The following GRM7 variants were observed in gnomAD, a reference collection of about 807,000 sequenced individuals.
GRM7 encodes glutamate metabotropic receptor 7.
Under a neutral mutation model 84.5 loss-of-function variants are expected in GRM7, and 35 were observed. The ratio of observed to expected loss-of-function variants is 0.41; its 90% CI spans 0.32 to 0.55. GRM7 has a LOEUF of 0.55. Ranked by LOEUF, GRM7 falls within the 20% of genes least tolerant of loss-of-function variation. GRM7 has a pLI of 0.19. For missense variants in GRM7, 1,003 were observed against 1,194.6 expected, an observed-to-expected ratio of 0.84 and a Z score of 2.36; for synonymous variants, 487 against 455.1, an observed-to-expected ratio of 1.07 and a Z score of -0.89.
chr3:7,493,812 T>G (rs1266665354), intron 7 of GRM7, among the ~76,000 whole-genome samples: 1 of 152,106 alleles, frequency 6.6e-6, no homozygotes, highest in Non-Finnish European at 1.5e-5. Context: ...CTTGATTTAT[T>G]TACAGTGTTT....
At chr3:7,629,888 A>T (rs76471574) in intron 8 of GRM7, among the ~76,000 whole-genome samples, 297 of 152,306 alleles carry the variant, frequency 2.0e-3, no homozygotes, top group Non-Finnish European at 3.1e-3. Context: ...CCTTCGATTT[A>T]TTCCCAGAAC....
At chr3:7,015,319 A>G (rs1695524902) in intron 1 of GRM7, among the ~76,000 whole-genome samples, 1 of 152,222 alleles carries the variant, frequency 6.6e-6, no homozygotes, top group Admixed American at 6.5e-5. Flanking sequence ...AGAACCCACC[A>G]GAAGGAACCA....
At chr3:7,715,688 G>A (rs964927468) in intron 9 of GRM7, among the ~76,000 whole-genome samples, 2 of 152,074 alleles carry the variant, frequency 1.3e-5, no homozygotes, top group Non-Finnish European at 2.9e-5. Flanking sequence ...GCCTGCCAAA[G>A]TCACACAGTA....
chr3:7,429,591 A>G (rs561965316), intron 5 of GRM7, among the ~76,000 whole-genome samples: 1 of 152,258 alleles, frequency 6.6e-6, no homozygotes, highest in East Asian at 1.9e-4. Flanking sequence ...CCTACAACTC[A>G]GTAGAGTTGG....
intron 1 of GRM7, among the ~76,000 whole-genome samples, chr3:7,105,155 C>T (rs951582376): frequency 2.0e-5 from 3 of 151,630 alleles, no homozygotes; most frequent in Non-Finnish European, 2.9e-5. Flanking sequence ...GACTTCATTC[C>T]TAATGTTCTT....
At chr3:7,438,679 C>G (rs1454914879) in intron 5 of GRM7, among the ~76,000 whole-genome samples, 4 of 152,062 alleles carry the variant, frequency 2.6e-5, no homozygotes, top group African/African-American at 9.7e-5. Context: ...AACAGCAACA[C>G]CAAACCACCC....
intron 2 of GRM7, among the ~76,000 whole-genome samples, chr3:7,250,927 A>G (rs75954990): frequency 0.013 from 1,912 of 152,152 alleles, 45 homozygotes; most frequent in African/African-American, 0.044. Flanking sequence ...TTATGAGTGC[A>G]TTGGATAAGG....
rs1475390700 is a variant in GRM7, at chr3:6,864,447, G to A, written c.519+2540G>A. ...CAGTGTCTATAAGCCTGCAAAATGA[G>A]TAGAGAGAATAATGGTATACACACC... On this transcript the variant is annotated intron_variant, in intron 1 of 9. Coordinates refer to ENST00000357716, the MANE Select transcript of GRM7 (RefSeq NM_000844.4). 2.0e-5 allele frequency among the ~76,000 whole-genome samples: 3 copies of A among 152,122 alleles called. No homozygotes were observed. The East Asian group carries it at 5.8e-4, about 29-fold the overall frequency.
rs538648178 is a variant in GRM7 at position 7,151,723 on chromosome 3, C to T, written c.736+5055C>T. Among the ~76,000 whole-genome samples, 1 of 152,210 alleles carries T rather than the reference C, an allele frequency of 6.6e-6. No individual in the cohort carries two copies. Among genetic ancestry groups the T allele is most frequent in the African/African-American group, 2.4e-5 (1 of 41,540 alleles). On this transcript the variant is annotated intron_variant, in intron 2 of 9. Transcript: ENST00000357716. The surrounding 1 kb of genome is among the most constrained non-coding windows in gnomAD (Gnocchi z 4.5). ...GGAAAAAAGGAAGCATGTAGAGAAACACCTTACGATATGTAATTTTGCTAG... is the reference window on the plus strand; with the variant it reads ...GGAAAAAAGGAAGCATGTAGAGAAATACCTTACGATATGTAATTTTGCTAG...
intron 4 of GRM7, among the ~76,000 whole-genome samples, chr3:7,354,883 G>GC (rs1693323065): frequency 6.6e-6 from 1 of 152,182 alleles, no homozygotes; most frequent in South Asian, 2.1e-4. Context: ...GGCAAGGCCA[G>GC]CAATATGCTT....
chr3:7,098,800 A>G (rs1012279961), intron 1 of GRM7, among the ~76,000 whole-genome samples: 10 of 151,936 alleles, frequency 6.6e-5, no homozygotes, highest in Non-Finnish European at 1.3e-4. Flanking sequence ...GGTTCATTAG[A>G]ATGTCAGGTT....
At chr3:6,887,810 T>A (rs1695761507) in intron 1 of GRM7, among the ~76,000 whole-genome samples, 3 of 152,226 alleles carry the variant, frequency 2.0e-5, no homozygotes, top group African/African-American at 4.8e-5. Context: ...GGCCACACTG[T>A]CTTCCACAAT....
intron 1 of GRM7, among the ~76,000 whole-genome samples, chr3:6,999,616 TCA>T (rs555454070): frequency 5.5e-4 from 83 of 152,292 alleles, no homozygotes; most frequent in Admixed American, 2.3e-3. Context: ...CTTAATTGAC[TCA>T]CAGTTCTGCA....
rs116105874 is a variant in GRM7 at position 7,401,345 on chromosome 3, C to T, written c.1034-13678C>T. 9.1e-3 allele frequency among the ~76,000 whole-genome samples: 1,392 copies of T among 152,228 alleles called. 13 individuals are homozygous for T. The highest frequency in any genetic ancestry group is 0.037 in the Middle Eastern group (11 of 294). ...GAGGAGCAGAAAGTTGTCAGTAGGG[C>T]TGTAGTGCAAACAGTGTTGACCACG... On this transcript the variant is annotated intron_variant, in intron 4 of 9. Transcript: ENST00000357716.
intron 1 of GRM7, among the ~76,000 whole-genome samples, chr3:7,085,696 A>G (rs1698432273): frequency 6.6e-6 from 1 of 152,128 alleles, no homozygotes; most frequent in Non-Finnish European, 1.5e-5. Context: ...GTAACTATCA[A>G]GTTAAACATA....
At chr3:7,435,282 GC>G (rs755711057) in intron 5 of GRM7, among the ~76,000 whole-genome samples, 4 of 151,658 alleles carry the variant, frequency 2.6e-5, no homozygotes, top group Non-Finnish European at 5.9e-5. Context: ...TCCCACCTTA[GC>G]CTCCCTGGTA....
intron 4 of GRM7, among the ~76,000 whole-genome samples, chr3:7,310,627 A>G (rs898170323): frequency 2.6e-5 from 4 of 152,182 alleles, no homozygotes; most frequent in Admixed American, 2.0e-4. Flanking sequence ...TTTTGGCCCT[A>G]TCACCTTGTT....
chr3:7,210,021 G>A (rs1352044758), intron 2 of GRM7, among the ~76,000 whole-genome samples: 1 of 152,162 alleles, frequency 6.6e-6, no homozygotes, highest in Non-Finnish European at 1.5e-5. Flanking sequence ...CATTCTTGCA[G>A]AGAGGATCTT....
chr3:7,419,126 A>C (rs900617692), intron 5 of GRM7, among the ~76,000 whole-genome samples: 2 of 152,070 alleles, frequency 1.3e-5, no homozygotes, highest in African/African-American at 4.8e-5. Context: ...ATGTATATCA[A>C]CTCCAATCAG....
Sources: allele counts gnomAD v4.1 joint callset (sites outside exome capture counted in the v4.1 genomes callset), GRCh38; gene constraint gnomAD v4.1.1; non-coding constraint Gnocchi (gnomAD v3.1); transcripts MANE v1.5; gene names NCBI Gene and HGNC (gene_info 2026-07-23, HGNC 2026-07-21).